Variants in MYO5A observed in about 807,000 individuals in gnomAD.
MYO5A encodes the protein myosin VA.
MYO5A carries 98 observed loss-of-function variants against 249.7 expected under a neutral mutation model. That is an observed-to-expected ratio of 0.39 (90% confidence interval 0.33 to 0.46). The LOEUF (loss-of-function observed/expected upper bound fraction) is 0.46. MYO5A is among the 20% of genes least tolerant of loss of function. The pLI is 0.98. For synonymous variants in MYO5A, 778 were observed against 810.6 expected (o/e 0.96, Z 0.68); for missense variants, 1,696 against 2,308.8 (o/e 0.73, Z 5.44).
At chr15:52,455,463 G>A (rs2076099058) in intron 1 of MYO5A, among the ~76,000 whole-genome samples, 1 of 151,986 alleles carries the variant, frequency 6.6e-6, no homozygotes, top group Non-Finnish European at 1.5e-5. Context: ...CATTCTACAA[G>A]CCCAGCTTTA....
At chr15:52,392,948 G>A (rs921396118) in intron 11 of MYO5A, among the ~76,000 whole-genome samples, 3 of 152,212 alleles carry the variant, frequency 2.0e-5, no homozygotes, top group African/African-American at 7.2e-5. Flanking sequence ...CTGGTCAGGG[G>A]AGGCTTCCCT....
intron 12 of MYO5A, 95 bp from the exon 13 acceptor site, chr15:52,389,458 T>G (rs376457549): frequency 1.0e-6 from 1 of 977,394 alleles, no homozygotes; most frequent in Non-Finnish European, 1.5e-6. Flanking sequence ...TTTTTTTTTT[T>G]GGCTTTAACT....
At chr15:52,329,118 A>C (rs1248687132) in intron 35 of MYO5A, 1 of 152,226 alleles carries the variant, frequency 6.6e-6, no homozygotes, top group African/African-American at 2.4e-5. Flanking sequence ...ATTACCTAGA[A>C]AATGCTTGGC....
At chr15:52,346,743 G>C in intron 29 of MYO5A, 1 of 461,218 alleles carries the variant, frequency 2.2e-6, no homozygotes, top group South Asian at 1.8e-5. Flanking sequence ...TCACTGATGG[G>C]CCATATATGT....
chr15:52,371,184 T>C (rs2041094203), intron 21 of MYO5A, among the ~76,000 whole-genome samples: 1 of 152,080 alleles, frequency 6.6e-6, no homozygotes, highest in Non-Finnish European at 1.5e-5. Flanking sequence ...TTATGTTTAC[T>C]ACCTCAAAAT....
At chr15:52,361,519 C>A (rs189452232) in intron 24 of MYO5A, among the ~76,000 whole-genome samples, 213 of 152,176 alleles carry the variant, frequency 1.4e-3, no homozygotes, top group African/African-American at 4.8e-3. Context: ...GGATCTGAAA[C>A]GAGAGAGAGT....
In MYO5A at chr15:52,372,303, T is replaced by C; in HGVS notation, c.2638A>G (p.Thr880Ala). The C allele has an allele frequency of 6.2e-7, 1 of 1,609,124 alleles. No homozygotes were observed. The highest frequency in any genetic ancestry group is 8.5e-7 in the Non-Finnish European group (1 of 1,179,994). Reference sequence around the variant, plus strand: ...GCATGCATGCTCCTCTTGTAGTGTGTGCGGGCCAGCCAGCCCCGGACTCGC... The same window carrying C: ...GCATGCATGCTCCTCTTGTAGTGTGCGCGGGCCAGCCAGCCCCGGACTCGC... ...QKRVRGWLAR[T>A]HYKRSMHAII... The change falls in exon 21 of 42, where the codon ACA (threonine) becomes GCA (alanine). Residue 880 changes from threonine to alanine, a missense_variant. Thr to Ala is a moderately conservative substitution (Grantham distance 58, BLOSUM62 0). This residue lies in a region of MYO5A where 412 missense variants were observed against 453.3 expected (regional missense o/e 0.91). Transcript: ENST00000399233.
intron 31 of MYO5A, among the ~76,000 whole-genome samples, chr15:52,342,448 G>A (rs763645135): frequency 2.0e-5 from 3 of 152,186 alleles, no homozygotes; most frequent in Non-Finnish European, 4.4e-5. Flanking sequence ...CACTGTCTCA[G>A]TAATAAATCT....
chr15:52,414,386 T>A (rs1442473283), intron 5 of MYO5A, among the ~76,000 whole-genome samples: 2 of 152,218 alleles, frequency 1.3e-5, no homozygotes, highest in East Asian at 3.8e-4. Context: ...CAACACTAAA[T>A]GGACTAAGAC....
intron 14 of MYO5A, among the ~76,000 whole-genome samples, chr15:52,387,098 T>G (rs972877458): frequency 1.3e-5 from 2 of 152,202 alleles, no homozygotes; most frequent in African/African-American, 4.8e-5. Context: ...TTTGCTGACC[T>G]AAGAAACTGG....
chr15:52,416,495 T>TA, intron 4 of MYO5A, among the ~76,000 whole-genome samples, 194 bp from the exon 5 acceptor site: 1 of 109,856 alleles, frequency 9.1e-6, no homozygotes, highest in African/African-American at 3.0e-5. Context: ...ATATATATAT[T>TA]TTTTTTAAGG....
intron 12 of MYO5A, among the ~76,000 whole-genome samples, chr15:52,390,560 CTTTTTTTTTTTTTTTT>C (rs990509273): frequency 8.2e-6 from 1 of 121,994 alleles, no homozygotes; most frequent in African/African-American, 3.1e-5. Flanking sequence ...TTTTTTTTTT[CTTTTTTTTTTTTTTTT>C]GAGACAGGGT....
intron 1 of MYO5A, among the ~76,000 whole-genome samples, chr15:52,487,420 T>TAA (rs753380054): frequency 6.2e-5 from 9 of 145,692 alleles, no homozygotes; most frequent in South Asian, 2.2e-4. Context: ...GTCCCAAAAA[T>TAA]TAAAAAAAAA....
intron 30 of MYO5A, among the ~76,000 whole-genome samples, chr15:52,345,353 G>A (rs758476046): frequency 1.3e-5 from 2 of 152,042 alleles, no homozygotes; most frequent in African/African-American, 4.8e-5. Flanking sequence ...AGGCCGAAGC[G>A]GGTGGATCAC....
intron 1 of MYO5A, among the ~76,000 whole-genome samples, chr15:52,528,217 C>G (rs547383056): frequency 6.0e-4 from 91 of 152,300 alleles, no homozygotes; most frequent in African/African-American, 2.2e-3. Context: ...CGCGTTCATC[C>G]GGCAGCATCT....
chr15:52,423,825 G>A (rs2075337990), intron 4 of MYO5A, among the ~76,000 whole-genome samples: 1 of 152,062 alleles, frequency 6.6e-6, no homozygotes, highest in South Asian at 2.1e-4. Context: ...ATAATGAGAA[G>A]AGAAAATTAC....
intron 1 of MYO5A, among the ~76,000 whole-genome samples, chr15:52,459,146 A>ATTTTTTTTTT (rs199923318): frequency 1.4e-3 from 70 of 49,062 alleles, no homozygotes; most frequent in South Asian, 2.4e-3. Flanking sequence ...ATTTTCCAGA[A>ATTTTTTTTTT]ATTTTTTTTT....
rs1313940906 is a variant in MYO5A at position 52,340,280 on chromosome 15, C to T, written c.4155G>A (p.Leu1385=). ...KEENNRQQQL[L]AQNLQLPPEA... Reference sequence around the variant, plus strand: ...CTGGGGGCAGCTGCAGGTTCTGGGCCAGCAGCTGCTGCTGTCGGTTGTTCT... The same window carrying T: ...CTGGGGGCAGCTGCAGGTTCTGGGCTAGCAGCTGCTGCTGTCGGTTGTTCT... Residue 1385 remains leucine (L), a synonymous_variant, in exon 32 of 42, where the codon CTG becomes CTA. Transcript: ENST00000399233. 6.2e-7 allele frequency: 1 copy of T among 1,614,100 alleles called. No homozygotes were observed. The highest frequency in any genetic ancestry group is 1.7e-5 in the Admixed American group (1 of 60,016).
intron 1 of MYO5A, among the ~76,000 whole-genome samples, chr15:52,473,369 C>A (rs988631609): frequency 6.6e-5 from 10 of 152,168 alleles, no homozygotes; most frequent in Non-Finnish European, 1.3e-4. Flanking sequence ...ATAGTAGTTT[C>A]TTTTGCTGTG....
Sources: allele counts gnomAD v4.1 joint callset (sites outside exome capture counted in the v4.1 genomes callset), GRCh38; gene constraint gnomAD v4.1.1; regional missense constraint gnomAD v4.1.1; transcripts MANE v1.5; gene names NCBI Gene and HGNC (gene_info 2026-07-23, HGNC 2026-07-21).